Variants in SCN3A observed in about 807,000 individuals in gnomAD.
SCN3A encodes the protein sodium channel protein type 3 subunit alpha.
In SCN3A, 60 loss-of-function variants were observed where a neutral mutation model predicts 187.6. That is an observed-to-expected ratio of 0.32 (90% CI 0.26 to 0.40). The LOEUF (loss-of-function observed/expected upper bound fraction) is 0.40, where lower values mean the gene tolerates loss of function less well. SCN3A is among the 10% of genes least tolerant of loss of function. The pLI is 1.00. For missense variants in SCN3A, 1,601 were observed against 2,428.2 expected, an observed-to-expected ratio of 0.66 and a Z score of 7.16; for synonymous variants, 788 against 829.2, an observed-to-expected ratio of 0.95 and a Z score of 0.85.
intron 1 of SCN3A, among the ~76,000 whole-genome samples, chr2:165,195,797 G>T (rs987626731): frequency 5.3e-5 from 8 of 152,042 alleles, no homozygotes; most frequent in Non-Finnish European, 1.0e-4. Flanking sequence ...GCATAAGAGG[G>T]AGCTGACTAT....
intron 19 of SCN3A, among the ~76,000 whole-genome samples, chr2:165,114,935 G>A (rs1686286586): frequency 6.6e-6 from 1 of 152,166 alleles, no homozygotes; most frequent in Non-Finnish European, 1.5e-5. Context: ...TCCAGGAATA[G>A]TCACTGCCAT....
chr2:165,134,155 G>A (rs1177049848), intron 15 of SCN3A, among the ~76,000 whole-genome samples: 1 of 152,144 alleles, frequency 6.6e-6, no homozygotes, highest in Non-Finnish European at 1.5e-5. Flanking sequence ...AGATTAATAA[G>A]TCACTTGAGT....
intron 15 of SCN3A, among the ~76,000 whole-genome samples, chr2:165,131,680 C>T (rs997675151): frequency 6.6e-6 from 1 of 150,732 alleles, no homozygotes; most frequent in Admixed American, 6.6e-5. Context: ...ATACCTGTGC[C>T]ATGCTGGTGT....
intron 18 of SCN3A, among the ~76,000 whole-genome samples, chr2:165,115,839 T>C (rs1686345271): frequency 6.6e-6 from 1 of 152,176 alleles, no homozygotes; most frequent in African/African-American, 2.4e-5. Flanking sequence ...CTGATTAACT[T>C]GTTTAATGAT....
intron 14 of SCN3A, among the ~76,000 whole-genome samples, chr2:165,138,886 G>A (rs1687824007): frequency 6.6e-6 from 1 of 152,170 alleles, no homozygotes; most frequent in African/African-American, 2.4e-5. Context: ...AGTGAGGGCT[G>A]TGTGATGTAT....
chr2:165,113,201 A>G, intron 20 of SCN3A, 143 bp from the exon 21 acceptor site: 1 of 682,446 alleles, frequency 1.5e-6, no homozygotes, highest in Non-Finnish European at 2.5e-6. Flanking sequence ...GACAAAATCT[A>G]AAGACTAAAC....
In SCN3A at chr2:165,147,080, A is replaced by G. The variant is rs753313629; in HGVS notation, c.1381-51T>C. 6 of 1,604,102 alleles carry G rather than the reference A, an allele frequency of 3.7e-6. No homozygotes were observed. In the South Asian group the frequency reaches 6.6e-5, roughly 18 times the overall value. Reference sequence around the variant, plus strand: ...ATTTAGAACACAGAGCTTTGAAAACAGTTGAGTATGGTTAAAATATTGCCA... The same window carrying G: ...ATTTAGAACACAGAGCTTTGAAAACGGTTGAGTATGGTTAAAATATTGCCA... On this transcript the variant is annotated intron_variant, in intron 11 of 27. Coordinates refer to ENST00000283254, the MANE Select transcript of SCN3A (RefSeq NM_006922.4).
intron 17 of SCN3A, among the ~76,000 whole-genome samples, chr2:165,128,425 AC>A (rs1687123133): frequency 1.4e-5 from 2 of 140,528 alleles, no homozygotes; most frequent in African/African-American, 2.5e-5. Flanking sequence ...GATTCTGCCA[AC>A]GAGAGAGAGA....
chr2:165,093,708 T>C (rs1685222536), intron 26 of SCN3A: 1 of 152,304 alleles, frequency 6.6e-6, no homozygotes, highest in Non-Finnish European at 1.5e-5. Flanking sequence ...TCAAGTCACT[T>C]AGAGAATTTA....
At chr2:165,099,187 C>T (rs1269713131) in intron 22 of SCN3A, among the ~76,000 whole-genome samples, 1 of 152,106 alleles carries the variant, frequency 6.6e-6, no homozygotes, top group African/African-American at 2.4e-5. Flanking sequence ...CATGAAAGCC[C>T]TATCACCTAG....
intron 19 of SCN3A, among the ~76,000 whole-genome samples, chr2:165,114,708 A>G (rs1193501194): frequency 6.6e-6 from 1 of 152,226 alleles, no homozygotes; most frequent in Non-Finnish European, 1.5e-5. Flanking sequence ...ATCTCAAAAC[A>G]GCTCTAGCCA....
chr2:165,091,453 CT>C, intron 27 of SCN3A, 108 bp from the exon 28 acceptor site: 1 of 1,324,274 alleles, frequency 7.6e-7, no homozygotes, highest in Non-Finnish European at 1.1e-6. Context: ...GAATATGAGC[CT>C]TTATTAAATA....
chr2:165,154,494 C>T lies in SCN3A; in HGVS notation c.1338G>A (p.Gln446=), dbSNP rs1688895122. ...EEAEQKEAEF[Q]QMLEQLKKQQ... is the part of the protein sequence containing the mutation. ...GCTTTTTAAGCTGTTCGAGCATCTG[C>T]TGAAATTCGGCCTCTTTTTGTTCTG... The change falls in exon 11 of 28, where the codon CAG becomes CAA. Residue 446 remains glutamine (Q), a synonymous_variant. Coordinates refer to ENST00000283254, the MANE Select transcript of SCN3A (RefSeq NM_006922.4). 6.2e-7 allele frequency: 1 copy of T among 1,614,138 alleles called. No individual in the cohort carries two copies. Among genetic ancestry groups the T allele is most frequent in the Non-Finnish European group, 8.5e-7 (1 of 1,180,004 alleles).
At chr2:165,102,735 A>G (rs1685668856) in intron 21 of SCN3A, among the ~76,000 whole-genome samples, 1 of 152,160 alleles carries the variant, frequency 6.6e-6, no homozygotes, top group African/African-American at 2.4e-5. Flanking sequence ...TGCAGCCACA[A>G]TATGTGAGGA....
At chr2:165,104,466 T>C (rs1685753458) in intron 21 of SCN3A, among the ~76,000 whole-genome samples, 4 of 151,694 alleles carry the variant, frequency 2.6e-5, no homozygotes, top group African/African-American at 9.7e-5. Flanking sequence ...TTACACCAAA[T>C]TAAATTTCAG....
chr2:165,127,397 T>A (rs74857939), intron 18 of SCN3A, among the ~76,000 whole-genome samples: 18 of 152,316 alleles, frequency 1.2e-4, no homozygotes, highest in Non-Finnish European at 2.4e-4. Context: ...TTTCAAATGA[T>A]CAAGAAAATG....
rs981209547 is a variant in SCN3A at position 165,190,600 on chromosome 2, C to A, written c.-247-3853G>T. Among the ~76,000 whole-genome samples the A allele has an allele frequency of 5.8e-5, 8 of 139,016 alleles. No homozygotes were observed. In the East Asian group the frequency reaches 1.2e-3, roughly 21 times the overall value. 91.2% of individuals were successfully genotyped at this position (139,016 alleles called of 152,430 possible). On this transcript the variant is annotated intron_variant, in intron 1 of 27. Coordinates refer to ENST00000283254, the MANE Select transcript of SCN3A (RefSeq NM_006922.4). ...TATATAAAACTTTATATATATATAA[C>A]TTTATATATATATATATAAAACTTT...
intron 2 of SCN3A, among the ~76,000 whole-genome samples, chr2:165,184,483 G>GAAAAAAA (rs397986547): frequency 3.4e-5 from 2 of 59,570 alleles, no homozygotes; most frequent in African/African-American, 5.1e-5. Context: ...GTCTAGTTCA[G>GAAAAAAA]AAAAAAAAAA....
At chr2:165,180,895 A>G (rs981757212) in intron 2 of SCN3A, among the ~76,000 whole-genome samples, 4 of 152,184 alleles carry the variant, frequency 2.6e-5, no homozygotes, top group African/African-American at 7.2e-5. Flanking sequence ...TCTTAAAATC[A>G]TTCATGAACC....
Sources: allele counts gnomAD v4.1 joint callset (sites outside exome capture counted in the v4.1 genomes callset), GRCh38; gene constraint gnomAD v4.1.1; transcripts MANE v1.5; gene names NCBI Gene and HGNC (gene_info 2026-07-23, HGNC 2026-07-21).